PRKAR1B: variants seen among roughly 807,000 people sequenced by gnomAD.
The protein encoded by PRKAR1B is cAMP-dependent protein kinase type I-beta regulatory subunit.
Under a neutral mutation model 46.5 loss-of-function variants are expected in PRKAR1B, and 22 were observed. That is an observed-to-expected ratio of 0.47 (90% CI 0.34 to 0.68). The LOEUF is 0.68. Among genes scored for constraint, PRKAR1B ranks in the 30% least tolerant of loss-of-function variants. PRKAR1B has a pLI of 0.01. For missense variants in PRKAR1B, 445 were observed against 535.6 expected (o/e 0.83, Z 1.67); for synonymous variants, 259 against 217.7 (o/e 1.19, Z -1.67).
intron 9 of PRKAR1B, among the ~76,000 whole-genome samples, chr7:568,908 G>A (rs1009404974): frequency 2.6e-5 from 4 of 152,104 alleles, no homozygotes; most frequent in African/African-American, 9.7e-5. Flanking sequence ...AACAAGATCT[G>A]GAAATGTCTG....
In PRKAR1B at chr7:644,485, C is replaced by A. The variant is rs559446826; in HGVS notation, c.440+32744G>T. Among the ~76,000 whole-genome samples, 2 of 152,310 alleles carry A rather than the reference C, an allele frequency of 1.3e-5. No individual in the cohort carries two copies. The highest frequency in any genetic ancestry group is 4.1e-4 in the South Asian group (2 of 4,828). Reference sequence around the variant, plus strand: ...CTTGCATCAGGAGGGAAGCCCCACTCGGACGCCATCCCGGGGTCCAGCATC... The same window carrying A: ...CTTGCATCAGGAGGGAAGCCCCACTAGGACGCCATCCCGGGGTCCAGCATC... On this transcript the variant is annotated intron_variant, in intron 4 of 10. Transcript: ENST00000537384. The surrounding 1 kb of genome is among the most constrained non-coding windows in gnomAD (Gnocchi z 4.9).
At position 560,606 on chromosome 7, in the gene PRKAR1B, C is replaced by T. The variant is rs959098109; in HGVS notation, c.892-9136G>A. Among the ~76,000 whole-genome samples the T allele has an allele frequency of 3.9e-5, 6 of 152,126 alleles. No individual in the cohort carries two copies. Among genetic ancestry groups the T allele is most frequent in the East Asian group, 3.9e-4 (2 of 5,188 alleles). ...CAGGTCATCAGCACCAAAATCGGGC[C>T]GCAGACCAAGAGTCGAAGAGTCTGG... On this transcript the variant is annotated intron_variant, in intron 9 of 10. Coordinates refer to ENST00000537384, the MANE Select transcript of PRKAR1B (RefSeq NM_001164760.2). The surrounding 1 kb of genome is among the most constrained non-coding windows in gnomAD (Gnocchi z 4.2).
At chr7:599,669 G>A (rs1463591554) in intron 6 of PRKAR1B, among the ~76,000 whole-genome samples, 4 of 152,264 alleles carry the variant, frequency 2.6e-5, no homozygotes, top group Admixed American at 6.5e-5. Flanking sequence ...CTTCTCTGGC[G>A]CCGAGCTCAC....
At chr7:728,835 T>TG (rs1172616923), upstream of PRKAR1B, among the ~76,000 whole-genome samples, 6 of 151,676 alleles carry the variant, frequency 4.0e-5, no homozygotes, top group East Asian at 9.7e-4. Flanking sequence ...CTCCCCTGGG[T>TG]GGGGGGCCTC....
chr7:611,638 T>C (rs1449408815), intron 4 of PRKAR1B, among the ~76,000 whole-genome samples: 6 of 152,254 alleles, frequency 3.9e-5, no homozygotes, highest in Non-Finnish European at 8.8e-5. Context: ...ACATGTTCCT[T>C]GCAGGCTCTA....
rs569488156 is a variant in PRKAR1B, at chr7:644,849, G to T, written c.440+32380C>A. Among the ~76,000 whole-genome samples, 45 of 152,284 alleles carry T rather than the reference G, an allele frequency of 3.0e-4. No individual in the cohort carries two copies. Among genetic ancestry groups the T allele is most frequent in the African/African-American group, 1.1e-3 (45 of 41,566 alleles). On this transcript the variant is annotated intron_variant, in intron 4 of 10. Transcript: ENST00000537384. This position sits in a 1 kb window ranked among gnomAD's most constrained non-coding sequence, Gnocchi z 4.9. Reference sequence around the variant, plus strand: ...ACCGGGCAGTGCCGTCGGCCAAAGGGTCCCGTGTGCTGCAGAGCTGAGTCC... The same window carrying T: ...ACCGGGCAGTGCCGTCGGCCAAAGGTTCCCGTGTGCTGCAGAGCTGAGTCC...
rs1778711940 is a variant in PRKAR1B at position 560,389 on chromosome 7, TAAA to T, written c.892-8922_892-8920del. ...ATAATAATAATAATAATAATAATAA[TAAA>T]TATATTTTAAAAGAAACTTTGTATC... On this transcript the variant is annotated intron_variant, in intron 9 of 10. Coordinates refer to ENST00000537384, the MANE Select transcript of PRKAR1B (RefSeq NM_001164760.2). The surrounding 1 kb of genome is among the most constrained non-coding windows in gnomAD (Gnocchi z 4.2). Among the ~76,000 whole-genome samples the T allele has an allele frequency of 6.8e-6, 1 of 146,192 alleles. No individual in the cohort carries two copies. Among genetic ancestry groups the T allele is most frequent in the South Asian group, 2.1e-4 (1 of 4,732 alleles).
At chr7:706,965 G>A (rs113538385) in intron 2 of PRKAR1B, among the ~76,000 whole-genome samples, 1 of 152,338 alleles carries the variant, frequency 6.6e-6, no homozygotes, top group Admixed American at 6.5e-5. Flanking sequence ...TGGCCTCGAG[G>A]GGGTGGCCCA....
intron 2 of PRKAR1B, among the ~76,000 whole-genome samples, chr7:686,255 C>T (rs374314788): frequency 6.7e-4 from 102 of 151,376 alleles, no homozygotes; most frequent in East Asian, 3.5e-3. Flanking sequence ...GAGCCGAAAT[C>T]GTACCACTGC....
At chr7:579,834 G>A (rs780118800) in intron 8 of PRKAR1B, among the ~76,000 whole-genome samples, 1 of 152,160 alleles carries the variant, frequency 6.6e-6, no homozygotes, top group South Asian at 2.1e-4. Flanking sequence ...GTGGGCTCAC[G>A]CCTATAAATC....
chr7:607,485 A>T (rs781597164), intron 4 of PRKAR1B, 33 bp from the exon 5 acceptor site: 1 of 1,581,812 alleles, frequency 6.3e-7, no homozygotes, highest in South Asian at 1.1e-5. Context: ...TTAGGGCTGC[A>T]GGCAGCACAG....
At chr7:661,775 A>G (rs1229932832) in intron 4 of PRKAR1B, among the ~76,000 whole-genome samples, 1 of 35,860 alleles carries the variant, frequency 2.8e-5, no homozygotes, top group Admixed American at 2.5e-4. Flanking sequence ...CCCTACTCCA[A>G]CAGGTCCAAA....
intron 4 of PRKAR1B, among the ~76,000 whole-genome samples, chr7:629,376 A>G (rs78383714): frequency 0.76 from 93,360 of 123,358 alleles, 35,617 homozygotes; most frequent in South Asian, 0.9. Flanking sequence ...AATGCTGCAG[A>G]AGCGGGACCA....
rs1036846722 is a variant in PRKAR1B, at chr7:666,130, C to T, written c.440+11099G>A. ...CGTTTCTCGGCTCCCAGGAGCTCAG[C>T]GATGCTCCCCCTACAGGCGCCCTAA... On this transcript the variant is annotated intron_variant, in intron 4 of 10. Coordinates refer to ENST00000537384, the MANE Select transcript of PRKAR1B (RefSeq NM_001164760.2). The surrounding 1 kb of genome is among the most constrained non-coding windows in gnomAD (Gnocchi z 4.9). Among the ~76,000 whole-genome samples, 2 of 152,194 alleles carry T rather than the reference C, an allele frequency of 1.3e-5. No individual in the cohort carries two copies. The highest frequency in any genetic ancestry group is 2.9e-5 in the Non-Finnish European group (2 of 68,022).
intron 3 of PRKAR1B, among the ~76,000 whole-genome samples, chr7:680,177 A>AAG (rs1232465706): frequency 4.1e-5 from 6 of 147,944 alleles, no homozygotes; most frequent in Admixed American, 6.7e-5. Context: ...AAAAAAAAAA[A>AAG]AGAGAGAGAC....
chr7:647,817 A>C (rs919304095), intron 4 of PRKAR1B, among the ~76,000 whole-genome samples: 6 of 151,022 alleles, frequency 4.0e-5, no homozygotes, highest in Non-Finnish European at 1.5e-5. Context: ...AAAAAAAAAA[A>C]AAAAAAAAAA....
chr7:690,226 G>A (rs1411551449), intron 2 of PRKAR1B, among the ~76,000 whole-genome samples: 2 of 151,806 alleles, frequency 1.3e-5, no homozygotes, highest in Non-Finnish European at 2.9e-5. Context: ...AACCCAGGAG[G>A]CAGACGTTGC....
chr7:673,071 A>AAAAAAAAC (rs1786367910), intron 4 of PRKAR1B, among the ~76,000 whole-genome samples: 1 of 144,484 alleles, frequency 6.9e-6, no homozygotes, highest in Non-Finnish European at 1.5e-5. Flanking sequence ...AAAAAAAAAA[A>AAAAAAAAC]AAAAAAACAC....
chr7:636,420 A>ACGTCCTCCACCGGACTGTGCCCT (rs1784101386), intron 4 of PRKAR1B, among the ~76,000 whole-genome samples: 2 of 50,118 alleles, frequency 4.0e-5, no homozygotes, highest in South Asian at 6.8e-4. Context: ...GGCCGCGCCC[A>ACGTCCTCCACCGGACTGTGCCCT]CACGTCCTCC....
Sources: gnomAD v4.1 joint callset for allele counts (sites outside exome capture counted in the v4.1 genomes callset) on GRCh38, gnomAD v4.1.1 for gene constraint, Gnocchi (gnomAD v3.1) non-coding constraint, MANE v1.5 for transcripts, NCBI Gene and HGNC (gene_info 2026-07-23, HGNC 2026-07-21) for gene names.